The following ZNF347 variants were observed in gnomAD, a reference collection of about 807,000 sequenced individuals.
ZNF347 encodes CTD-2620I22.7.
In ZNF347, 19 loss-of-function variants were observed where a neutral mutation model predicts 12.9. That is an observed-to-expected ratio of 1.47 (90% CI 1.03 to 2.16). ZNF347 has a LOEUF of 2.16. Ranked by LOEUF, ZNF347 falls within the 30% of genes most tolerant of loss-of-function variation. The pLI is 0.00. For synonymous variants in ZNF347, 328 were observed against 340.6 expected, an observed-to-expected ratio of 0.96 and a Z score of 0.41; for missense variants, 1,005 against 990.6, an observed-to-expected ratio of 1.01 and a Z score of -0.19.
chr19:53,149,498 A>G, intron 2 of ZNF347, 131 bp from the exon 3 acceptor site: 1 of 1,494,348 alleles, frequency 6.7e-7, no homozygotes, highest in Admixed American at 2.2e-5. Flanking sequence ...TAAAATATAC[A>G]TATGGTCTTC....
intron 2 of ZNF347, 187 bp from the exon 3 acceptor site, chr19:53,149,554 T>G (rs2090484590): frequency 8.3e-7 from 1 of 1,209,896 alleles, no homozygotes; most frequent in Non-Finnish European, 1.1e-6. Flanking sequence ...TCTGGAGTGA[T>G]AAGTGCCTTT....
At chr19:53,155,738 G>T (rs1019747358) in intron 1 of ZNF347, among the ~76,000 whole-genome samples, 1 of 152,096 alleles carries the variant, frequency 6.6e-6, no homozygotes, top group Admixed American at 6.6e-5. Flanking sequence ...GAAAAAAAAA[G>T]TTAAAATTGA....
At chr19:53,144,411 G>T (rs1162180280) in intron 4 of ZNF347, among the ~76,000 whole-genome samples, 1 of 152,056 alleles carries the variant, frequency 6.6e-6, no homozygotes, top group African/African-American at 2.4e-5. Flanking sequence ...GATCAACTTA[G>T]CAAAAGGACA....
At chr19:53,152,201 C>G (rs562100623) in intron 2 of ZNF347, among the ~76,000 whole-genome samples, 24 of 152,168 alleles carry the variant, frequency 1.6e-4, no homozygotes, top group African/African-American at 5.8e-4. Context: ...AACATCCACT[C>G]TGTCCTCATT....
At chr19:53,152,292 G>A (rs968568745) in intron 2 of ZNF347, among the ~76,000 whole-genome samples, 1 of 151,956 alleles carries the variant, frequency 6.6e-6, no homozygotes. Context: ...AAAATTTGCA[G>A]GCTAAAATGT....
In ZNF347 at chr19:53,135,747, G is replaced by C. The variant is rs1289659119; in HGVS notation, c.*4561C>G. The C allele has an allele frequency of 2.0e-5, 3 of 152,132 alleles. No homozygotes were observed. The highest frequency in any genetic ancestry group is 4.4e-5 in the Non-Finnish European group (3 of 68,032). 9.4% of individuals were successfully genotyped at this position (152,132 alleles called of 1,614,324 possible). On this transcript the variant is annotated 3_prime_UTR_variant, in exon 5 of 5. Transcript: ENST00000334197. The stretch of plus-strand genomic sequence containing the variant: ...GAGAATATCATTAATACTTATTTCA[G>C]GAGCTGATGATTCAGTTGTTACACA...
Position 53,153,782 on chromosome 19 carries a change from CAAGGGTTCTTCCTTAGGTA to C in ZNF347, c.-46-8_-36del. The stretch of plus-strand genomic sequence containing the variant: ...GTCTTTCTTTCCTCTTCCTCTTCTT[CAAGGGTTCTTCCTTAGGTA>C]ACAGGAAAGTGCCTTTAGAAGTCAA... On this transcript the variant is annotated splice_acceptor_variant and splice_polypyrimidine_tract_variant and 5_prime_UTR_variant and intron_variant, in exon 2 of 5. Transcript: ENST00000334197. LOFTEE classifies it low-confidence loss of function (5UTR_SPLICE). 2 of 1,614,010 alleles carry C rather than the reference CAAGGGTTCTTCCTTAGGTA, an allele frequency of 1.2e-6. No homozygotes were observed. The highest frequency in any genetic ancestry group is 1.7e-6 in the Non-Finnish European group (2 of 1,179,898).
At chr19:53,149,186 A>C in intron 3 of ZNF347, 55 bp downstream of exon 3, 2 of 1,595,712 alleles carry the variant, frequency 1.3e-6, no homozygotes, top group South Asian at 2.3e-5. Flanking sequence ...GCCACATGGA[A>C]AATGAAAAGA....
Position 53,148,666 on chromosome 19 carries a change from C to T in ZNF347, c.271+15G>A. The T allele has an allele frequency of 6.2e-7, 1 of 1,609,082 alleles. No homozygotes were observed. The highest frequency in any genetic ancestry group is 1.7e-5 in the Admixed American group (1 of 59,232). ...TTTAATAAACGGCATTTTCTCTACC[C>T]ATCTGAACTCTTACCTGTGATCACA... On this transcript the variant is annotated intron_variant, in intron 4 of 4. Transcript: ENST00000334197.
chr19:53,154,939 T>C (rs989354524), intron 1 of ZNF347, among the ~76,000 whole-genome samples: 63 of 151,712 alleles, frequency 4.2e-4, no homozygotes, highest in African/African-American at 1.5e-3. Flanking sequence ...TAGAGTTTTG[T>C]TTTGTTTTTT....
Position 53,141,834 on chromosome 19 carries a change from G to T in ZNF347, c.994C>A (p.Leu332Ile). ...GTGTGAATTTTCTGATGTTGTGAGAGTTGTGAATTTCGACTAAAGACCTTA... is the reference window on the plus strand; with the variant it reads ...GTGTGAATTTTCTGATGTTGTGAGATTTGTGAATTTCGACTAAAGACCTTA... ...CGKVFSRNSQ[L>I]SQHQKIHTGE... is the part of the protein sequence containing the mutation. The change falls in exon 5 of 5, where the codon CTC (leucine) becomes ATC (isoleucine). Residue 332 changes from leucine to isoleucine, a missense_variant. Physicochemically the swap from Leu to Ile is conservative, Grantham distance 5. Transcript: ENST00000334197. The T allele has an allele frequency of 6.2e-7, 1 of 1,614,094 alleles. No individual in the cohort carries two copies. Among genetic ancestry groups the T allele is most frequent in the Non-Finnish European group, 8.5e-7 (1 of 1,180,012 alleles).
rs1184827371 is a variant in ZNF347 at position 53,137,476 on chromosome 19, G to T, written c.*2832C>A. The stretch of plus-strand genomic sequence containing the variant: ...TGCTCTCTCAAGCCATTTTGGACCA[G>T]TTTGGGAAGTCAATCCTGCTTCTCA... On this transcript the variant is annotated 3_prime_UTR_variant, in exon 5 of 5. Transcript: ENST00000334197. 1 of 152,150 alleles carries T rather than the reference G, an allele frequency of 6.6e-6. No homozygotes were observed. The highest frequency in any genetic ancestry group is 1.5e-5 in the Non-Finnish European group (1 of 68,026). The allele number at this position is 152,150 out of a possible 1,614,324, so 9.4% of individuals were successfully genotyped here. A position where few individuals can be genotyped will look rare whatever the true frequency, so the allele number is the denominator to read the frequency against.
At chr19:53,149,520 CT>C in intron 2 of ZNF347, 153 bp from the exon 3 acceptor site, 1 of 1,389,680 alleles carries the variant, frequency 7.2e-7, no homozygotes. Context: ...TCCCCCTTTC[CT>C]GACATACATC....
intron 1 of ZNF347, 98 bp from the exon 2 acceptor site, chr19:53,153,891 TCACA>T: frequency 1.2e-6 from 1 of 809,876 alleles, no homozygotes. Context: ...TATGCCACAA[TCACA>T]CACACACACA....
rs750687784 is a variant in ZNF347, at chr19:53,140,365, G to A, written c.2463C>T (p.Asn821=). 110 of 1,597,608 alleles carry A rather than the reference G, an allele frequency of 6.9e-5. 2 individuals carry two copies. The Admixed American group carries it at 1.2e-3, about 18-fold the overall frequency. ...ACTCTGACTTTAGAACTTTCCACAC[G>A]TTACATTTGTAAGGTTTCCCACCAG... is the stretch of plus-strand genomic sequence containing the variant. ...IHTGGKPYKC[N]VWKVLKSEFK... Residue 821 remains asparagine (N), a synonymous_variant, in exon 5 of 5, where the codon AAC becomes AAT. Transcript: ENST00000334197.
At chr19:53,144,068 T>G (rs1005083663) in intron 4 of ZNF347, among the ~76,000 whole-genome samples, 1 of 138,742 alleles carries the variant, frequency 7.2e-6, no homozygotes, top group African/African-American at 2.7e-5. Context: ...TCTCTTGCTT[T>G]CTTTCTTACT....
chr19:53,146,305 A>C (rs1054250522), intron 4 of ZNF347, among the ~76,000 whole-genome samples: 3 of 151,564 alleles, frequency 2.0e-5, no homozygotes, highest in Admixed American at 2.0e-4. Flanking sequence ...GATGGGGTCT[A>C]TCTCTCTCAC....
In ZNF347 at chr19:53,148,767, T is replaced by C. The variant is rs190209394; in HGVS notation, c.185A>G (p.Gln62Arg). 9.5e-5 allele frequency: 153 copies of C among 1,614,074 alleles called. No homozygotes were observed. The Admixed American group carries it at 2.4e-3, about 26-fold the overall frequency. The change falls in exon 4 of 5, where the codon CAA (glutamine) becomes CGA (arginine). Residue 62 changes from glutamine to arginine, a missense_variant. Physicochemically the swap from Gln to Arg is conservative, Grantham distance 43. Coordinates refer to ENST00000334197, the MANE Select transcript of ZNF347 (RefSeq NM_032584.3). ...FDLSIISMLE[Q>R]GKEPFTLESQ... ...CTCCAAAGTGAAAGGCTCCTTCCCT[T>C]GCTCCAACATAGAGATAATACTGAG...
In ZNF347 at chr19:53,142,092, A is replaced by C. The variant is rs1380480408; in HGVS notation, c.736T>G (p.Leu246Val). The C allele has an allele frequency of 2.5e-6, 4 of 1,612,630 alleles. No homozygotes were observed. The highest frequency in any genetic ancestry group is 3.4e-6 in the Non-Finnish European group (4 of 1,179,692). Residue 246 changes from leucine to valine, a missense_variant, in exon 5 of 5, where the codon TTA (leucine) becomes GTA (valine). Physicochemically the swap from Leu to Val is conservative, Grantham distance 32. Transcript: ENST00000334197. Reference sequence around the variant, plus strand: ...GCTTTTTGCCCCTGTGTGAGTAATAAAGAAGAGATAAAATCTTTGAGATAT... The same window carrying C: ...GCTTTTTGCCCCTGTGTGAGTAATACAGAAGAGATAAAATCTTTGAGATAT... The part of the protein sequence containing the change: ...KKYLKDFISS[L>V]LLTQGQKANN...
Sources: gnomAD v4.1 joint callset for allele counts (sites outside exome capture counted in the v4.1 genomes callset) on GRCh38, gnomAD v4.1.1 for gene constraint, MANE v1.5 for transcripts, NCBI Gene and HGNC (gene_info 2026-07-23, HGNC 2026-07-21) for gene names.